The following RIMS2 variants were observed in gnomAD, a reference collection of about 807,000 sequenced individuals.
RIMS2 encodes regulating synaptic membrane exocytosis protein 2.
A neutral mutation model predicts 174.4 loss-of-function variants in RIMS2; 59 were observed. That is an observed-to-expected ratio of 0.34 (90% CI 0.27 to 0.42). The LOEUF (loss-of-function observed/expected upper bound fraction) is 0.42, where lower values mean the gene tolerates loss of function less well. Among genes scored for constraint, RIMS2 ranks in the 10% least tolerant of loss-of-function variants. The pLI, the probability that RIMS2 is intolerant of heterozygous loss-of-function variation, is 1.00. For missense variants in RIMS2, 1,620 were observed against 1,666.3 expected (o/e 0.97, Z 0.48); for synonymous variants, 606 against 572.5 (o/e 1.06, Z -0.84).
At chr8:103,718,898 C>G (rs1009520399) in intron 2 of RIMS2, among the ~76,000 whole-genome samples, 1 of 152,092 alleles carries the variant, frequency 6.6e-6, no homozygotes, top group Non-Finnish European at 1.5e-5. Flanking sequence ...ATCTCAAATG[C>G]CTCGGCCTCC....
At chr8:103,561,601 C>T (rs754054814) in intron 1 of RIMS2, among the ~76,000 whole-genome samples, 13 of 152,132 alleles carry the variant, frequency 8.5e-5, no homozygotes, top group Non-Finnish European at 1.6e-4. Flanking sequence ...ATATCAGCAA[C>T]ATCAAAACTA....
At chr8:103,592,348 T>C (rs927670374) in intron 1 of RIMS2, among the ~76,000 whole-genome samples, 4 of 151,226 alleles carry the variant, frequency 2.6e-5, no homozygotes, top group African/African-American at 4.8e-5. Flanking sequence ...TGTTTATTAT[T>C]GATAGTTTGA....
intron 3 of RIMS2, among the ~76,000 whole-genome samples, chr8:103,827,911 AG>A (rs1012571026): frequency 2.0e-5 from 3 of 152,102 alleles, no homozygotes; most frequent in African/African-American, 4.8e-5. Flanking sequence ...AAAAAAAAAA[AG>A]GTGTGCATTT....
intron 3 of RIMS2, among the ~76,000 whole-genome samples, chr8:103,817,498 A>G (rs1011884240): frequency 1.3e-5 from 2 of 152,206 alleles, no homozygotes; most frequent in South Asian, 4.1e-4. Flanking sequence ...ATACAGCTTC[A>G]GGCCAGGCGC....
chr8:103,668,261 T>G (rs2096699706), intron 1 of RIMS2, among the ~76,000 whole-genome samples: 1 of 152,232 alleles, frequency 6.6e-6, no homozygotes. Flanking sequence ...TGCTTAATGT[T>G]ACTGTATTTG....
At chr8:103,698,167 T>C (rs1174144254) in intron 2 of RIMS2, among the ~76,000 whole-genome samples, 1 of 152,222 alleles carries the variant, frequency 6.6e-6, no homozygotes, top group South Asian at 2.1e-4. Flanking sequence ...TCCCCATTTT[T>C]CATTATTTTG....
chr8:103,948,880 C>G (rs1245217092), intron 14 of RIMS2, among the ~76,000 whole-genome samples: 1 of 151,540 alleles, frequency 6.6e-6, no homozygotes, highest in South Asian at 2.1e-4. Context: ...ATCTCAGCCT[C>G]TTTGGGAGGC....
At chr8:103,690,137 T>C (rs2097000052) in intron 1 of RIMS2, among the ~76,000 whole-genome samples, 1 of 152,074 alleles carries the variant, frequency 6.6e-6, no homozygotes, top group East Asian at 1.9e-4. Context: ...ATTTTTTTTG[T>C]ATTTTTAGTA....
At chr8:104,218,726 C>A (rs189463627) in intron 19 of RIMS2, among the ~76,000 whole-genome samples, 1 of 152,202 alleles carries the variant, frequency 6.6e-6, no homozygotes, top group African/African-American at 2.4e-5. Flanking sequence ...AAGGTTCGCA[C>A]TCCTGTGAGG....
rs1220310071 is a variant in RIMS2 at position 104,244,942 on chromosome 8, A to C, written c.3361A>C (p.Thr1121Pro). 2 of 1,613,746 alleles carry C rather than the reference A, an allele frequency of 1.2e-6. No homozygotes were observed. Among genetic ancestry groups the C allele is most frequent in the African/African-American group, 2.7e-5 (2 of 74,926 alleles). Residue 1121 changes from threonine (T) to proline (P), a missense_variant, in exon 20 of 24, where the codon ACT (threonine) becomes CCT (proline). Thr to Pro is a conservative substitution (Grantham distance 38). Around this residue, in one of 2 missense-constraint regions of RIMS2, gnomAD observed 225 missense variants for 306.2 expected, o/e 0.73. Coordinates refer to ENST00000504942, the Ensembl canonical transcript of RIMS2. ...AGCAGGAGGTAAAAAACTAAGGAGC[A>C]CTGTCCAAAGAAGTACAGAAACAGG...
In RIMS2 at chr8:103,956,624, A is replaced by G. The variant is rs569047597; in HGVS notation, c.2702-4441A>G. ...CTCAAGATGGATTAAAGACTTAAACATAAGACCTAAAACCATAAAAACCCT... is the reference window on the plus strand; with the variant it reads ...CTCAAGATGGATTAAAGACTTAAACGTAAGACCTAAAACCATAAAAACCCT... On this transcript the variant is annotated intron_variant, in intron 14 of 23. Coordinates refer to ENST00000504942, the Ensembl canonical transcript of RIMS2. Among the ~76,000 whole-genome samples the G allele has an allele frequency of 1.6e-3, 250 of 152,260 alleles. 2 individuals are homozygous for G. Among genetic ancestry groups the G allele is most frequent in the African/African-American group, 5.6e-3 (232 of 41,554 alleles).
At chr8:104,078,184 G>A (rs1209980889) in intron 19 of RIMS2, among the ~76,000 whole-genome samples, 1 of 151,076 alleles carries the variant, frequency 6.6e-6, no homozygotes, top group African/African-American at 2.4e-5. Flanking sequence ...AACACTTGAT[G>A]GTAACTCATT....
chr8:103,964,906 G>T (rs2091385439), intron 15 of RIMS2, among the ~76,000 whole-genome samples: 1 of 152,124 alleles, frequency 6.6e-6, no homozygotes, highest in Admixed American at 6.6e-5. Flanking sequence ...TTGTTGAAAA[G>T]ACCATCATTG....
intron 4 of RIMS2, among the ~76,000 whole-genome samples, chr8:103,889,726 C>T (rs993709830): frequency 1.3e-5 from 2 of 151,798 alleles, no homozygotes; most frequent in African/African-American, 2.4e-5. Context: ...GACTTTGGCT[C>T]GTCTCTTACT....
chr8:104,199,930 T>C (rs2099045896), intron 19 of RIMS2, among the ~76,000 whole-genome samples: 1 of 152,244 alleles, frequency 6.6e-6, no homozygotes, highest in African/African-American at 2.4e-5. Flanking sequence ...TGGGTCCTAC[T>C]TGGGGAAAGG....
At chr8:104,016,078 C>T (rs954035773) in intron 19 of RIMS2, among the ~76,000 whole-genome samples, 1 of 151,946 alleles carries the variant, frequency 6.6e-6, no homozygotes, top group Non-Finnish European at 1.5e-5. Flanking sequence ...CATACATTTG[C>T]TAGATCAATA....
At chr8:103,999,532 C>T (rs935041456) in intron 17 of RIMS2, among the ~76,000 whole-genome samples, 3 of 151,464 alleles carry the variant, frequency 2.0e-5, no homozygotes, top group African/African-American at 7.3e-5. Flanking sequence ...AGTAATTATA[C>T]ATTTACCTTA....
At chr8:103,603,671 C>T (rs1467595871) in intron 1 of RIMS2, among the ~76,000 whole-genome samples, 1 of 145,480 alleles carries the variant, frequency 6.9e-6, no homozygotes, top group Non-Finnish European at 1.5e-5. Context: ...TGTTTCCTGA[C>T]TTTTTAATGA....
intron 19 of RIMS2, among the ~76,000 whole-genome samples, chr8:104,140,342 A>T (rs1224814769): frequency 1.3e-5 from 2 of 152,120 alleles, no homozygotes. Context: ...CCTTCCCTCC[A>T]GTGAAATTTC....
Sources: gnomAD v4.1 joint callset for allele counts (sites outside exome capture counted in the v4.1 genomes callset) on GRCh38, gnomAD v4.1.1 for gene constraint, gnomAD v4.1.1 regional missense constraint, MANE v1.5 for transcripts, NCBI Gene and HGNC (gene_info 2026-07-23, HGNC 2026-07-21) for gene names.